Variants in ATE1 observed in about 807,000 individuals in gnomAD.
ATE1 encodes arginyltransferase 1.
ATE1 carries 36 observed loss-of-function variants against 70.5 expected under a neutral mutation model. The observed-to-expected ratio is 0.51, with a 90% CI of 0.39 to 0.67. The LOEUF is 0.67. Among genes scored for constraint, ATE1 ranks in the 30% least tolerant of loss-of-function variants. The probability of loss-of-function intolerance (pLI) is 0.00; values close to 1 mark genes in which losing one functional copy is unlikely to be tolerated. For missense variants in ATE1, 593 were observed against 629.5 expected, an observed-to-expected ratio of 0.94 and a Z score of 0.62; for synonymous variants, 232 against 219.3, an observed-to-expected ratio of 1.06 and a Z score of -0.51.
intron 10 of ATE1, among the ~76,000 whole-genome samples, chr10:121,832,034 T>G (rs1403995271): frequency 6.6e-6 from 1 of 152,208 alleles, no homozygotes; most frequent in Non-Finnish European, 1.5e-5. Context: ...GAAGAGGGAC[T>G]AAAGGAGTGA....
intron 7 of ATE1, among the ~76,000 whole-genome samples, chr10:121,891,792 A>G (rs1383191776): frequency 6.6e-6 from 1 of 152,206 alleles, no homozygotes; most frequent in East Asian, 1.9e-4. Context: ...TCAAATAGGC[A>G]TATTAACTGT....
intron 3 of ATE1, among the ~76,000 whole-genome samples, chr10:121,921,116 C>A (rs568174274): frequency 6.6e-6 from 1 of 151,382 alleles, no homozygotes; most frequent in South Asian, 2.1e-4. Flanking sequence ...TAGGTACAGG[C>A]TGGTGACCTG....
At chr10:121,838,147 T>C (rs950512360) in intron 9 of ATE1, among the ~76,000 whole-genome samples, 3 of 152,084 alleles carry the variant, frequency 2.0e-5, no homozygotes, top group African/African-American at 7.2e-5. Context: ...GCCTCCTGTT[T>C]CCACTCTTAC....
chr10:121,786,803 G>T (rs1946233207), intron 11 of ATE1, among the ~76,000 whole-genome samples: 1 of 151,956 alleles, frequency 6.6e-6, no homozygotes. Context: ...ACAACGTAAG[G>T]ATGCAGAATA....
At chr10:121,895,192 CA>C (rs1332192362) in intron 7 of ATE1, among the ~76,000 whole-genome samples, 1 of 152,202 alleles carries the variant, frequency 6.6e-6, no homozygotes, top group African/African-American at 2.4e-5. Flanking sequence ...AAAAGGAAAA[CA>C]CATGAGTTAC....
At chr10:121,820,929 A>G (rs1947768375) in intron 10 of ATE1, among the ~76,000 whole-genome samples, 1 of 152,180 alleles carries the variant, frequency 6.6e-6, no homozygotes, top group South Asian at 2.1e-4. Context: ...AAAATTCCTA[A>G]AATATATAGG....
intron 10 of ATE1, among the ~76,000 whole-genome samples, chr10:121,805,516 A>G (rs747335974): frequency 6.6e-6 from 1 of 152,182 alleles, no homozygotes; most frequent in African/African-American, 2.4e-5. Flanking sequence ...ATGGCTGTAC[A>G]TACATACAAT....
chr10:121,927,996 C>CGCG lies in ATE1; in HGVS notation c.-50_-48dup. ...CAGCCGCCCGGCCCCGCGTCGCTAG[C>CGCG]GCGGCCGCCGCCGCCACCCCACAAT... is the stretch of plus-strand genomic sequence containing the variant. On this transcript the variant is annotated 5_prime_UTR_variant, in exon 1 of 12. Transcript: ENST00000224652. 1 of 1,405,950 alleles carries CGCG rather than the reference C, an allele frequency of 7.1e-7. No homozygotes were observed. The highest frequency in any genetic ancestry group is 9.3e-7 in the Non-Finnish European group (1 of 1,076,594). 87.1% of individuals were successfully genotyped at this position (1,405,950 alleles called of 1,614,324 possible).
chr10:121,920,925 C>G (rs972860733), intron 3 of ATE1, among the ~76,000 whole-genome samples: 77 of 151,350 alleles, frequency 5.1e-4, no homozygotes, highest in African/African-American at 1.8e-3. Context: ...ACCCAGGAGG[C>G]AGAGGTTGCA....
rs1256696162 is a variant in ATE1, at chr10:121,740,697, C to G, written c.*2983G>C. 2.0e-5 allele frequency: 3 copies of G among 152,100 alleles called. No individual in the cohort carries two copies. Among genetic ancestry groups the G allele is most frequent in the Admixed American group, 2.0e-4 (3 of 15,276 alleles). The allele number at this position is 152,100 out of a possible 1,614,324, so 9.4% of individuals were successfully genotyped here. A position where few individuals can be genotyped will look rare whatever the true frequency, so the allele number is the denominator to read the frequency against. ...TTATTCATACTGAAATAATATAAAG[C>G]CTATAAAATCAAAGCATATACTGTT... On this transcript the variant is annotated 3_prime_UTR_variant, in exon 12 of 12. Transcript: ENST00000224652.
chr10:121,788,280 C>G (rs1425530861), intron 11 of ATE1, among the ~76,000 whole-genome samples: 1 of 152,150 alleles, frequency 6.6e-6, no homozygotes, highest in Non-Finnish European at 1.5e-5. Flanking sequence ...TGTAACTTTA[C>G]TCAGAATGAA....
intron 8 of ATE1, 53 bp from the exon 9 acceptor site, chr10:121,841,316 T>C: frequency 2.6e-6 from 3 of 1,163,784 alleles, no homozygotes; most frequent in Non-Finnish European, 3.3e-6. Flanking sequence ...AAAATAATCT[T>C]ATAATTAATA....
At chr10:121,854,375 C>T (rs796226648) in intron 8 of ATE1, among the ~76,000 whole-genome samples, 8 of 152,234 alleles carry the variant, frequency 5.3e-5, no homozygotes, top group African/African-American at 1.9e-4. Flanking sequence ...ATGTGTTTGT[C>T]CTCTATTTGC....
chr10:121,894,125 G>A (rs1486825846), intron 7 of ATE1, among the ~76,000 whole-genome samples: 3 of 109,632 alleles, frequency 2.7e-5, no homozygotes, highest in Middle Eastern at 8.1e-3. Context: ...CAACAAGAGC[G>A]AAACTCCATC....
chr10:121,770,865 A>G (rs1015451158), intron 11 of ATE1, among the ~76,000 whole-genome samples: 7 of 152,234 alleles, frequency 4.6e-5, no homozygotes, highest in African/African-American at 1.7e-4. Context: ...CATATAAAAC[A>G]CTGAAGCCTT....
intron 11 of ATE1, among the ~76,000 whole-genome samples, chr10:121,747,449 A>T (rs915719207): frequency 6.6e-6 from 1 of 152,058 alleles, no homozygotes; most frequent in African/African-American, 2.4e-5. Flanking sequence ...TTTCCCCCCA[A>T]ACCTCTCCTC....
intron 7 of ATE1, among the ~76,000 whole-genome samples, chr10:121,873,044 C>T (rs1949916565): frequency 6.6e-6 from 1 of 152,086 alleles, no homozygotes; most frequent in South Asian, 2.1e-4. Flanking sequence ...TCTTTATCTT[C>T]CTATGTACCC....
chr10:121,757,785 GATGAC>G, intron 11 of ATE1, among the ~76,000 whole-genome samples: 2 of 152,342 alleles, frequency 1.3e-5, no homozygotes, highest in South Asian at 4.1e-4. Context: ...GGAGCTACAA[GATGAC>G]ATTTGGGTGG....
chr10:121,888,121 G>A (rs775556926), intron 7 of ATE1, among the ~76,000 whole-genome samples: 59 of 152,294 alleles, frequency 3.9e-4, no homozygotes, highest in Non-Finnish European at 7.1e-4. Flanking sequence ...GAGGCTGGGC[G>A]CAGTGGCTCA....
Sources: gnomAD v4.1 joint callset for allele counts (sites outside exome capture counted in the v4.1 genomes callset) on GRCh38, gnomAD v4.1.1 for gene constraint, MANE v1.5 for transcripts, NCBI Gene and HGNC (gene_info 2026-07-23, HGNC 2026-07-21) for gene names.